HMBOX1: variants seen among roughly 807,000 people sequenced by gnomAD.
HMBOX1 encodes homeobox-containing protein 1.
Under a neutral mutation model 54.5 loss-of-function variants are expected in HMBOX1, and 14 were observed. That is an observed-to-expected ratio of 0.26 (90% CI 0.17 to 0.40). The LOEUF is 0.40. Ranked by LOEUF, HMBOX1 falls within the 10% of genes least tolerant of loss-of-function variation. The pLI, the probability that HMBOX1 is intolerant of heterozygous loss-of-function variation, is 1.00. For synonymous variants in HMBOX1, 160 were observed against 181.0 expected, an observed-to-expected ratio of 0.88 and a Z score of 0.93; for missense variants, 332 against 514.4, an observed-to-expected ratio of 0.65 and a Z score of 3.43.
At chr8:28,958,715 T>C (rs866320612) in intron 1 of HMBOX1, among the ~76,000 whole-genome samples, 3 of 152,236 alleles carry the variant, frequency 2.0e-5, no homozygotes, top group South Asian at 2.1e-4. Flanking sequence ...CTTAATTTTA[T>C]TTGAAATGCT....
intron 3 of HMBOX1, among the ~76,000 whole-genome samples, chr8:28,975,341 A>C (rs1447529312): frequency 1.3e-5 from 2 of 152,086 alleles, no homozygotes; most frequent in Non-Finnish European, 2.9e-5. Context: ...TTGCAAGAAG[A>C]GACCTTTTTT....
intron 2 of HMBOX1, among the ~76,000 whole-genome samples, chr8:28,968,605 G>T (rs138831442): frequency 4.6e-5 from 7 of 152,136 alleles, no homozygotes; most frequent in African/African-American, 1.4e-4. Context: ...TGTGAAATTC[G>T]TACCCAGTTC....
intron 1 of HMBOX1, among the ~76,000 whole-genome samples, chr8:28,894,196 C>G (rs1811593316): frequency 6.6e-6 from 1 of 152,172 alleles, no homozygotes; most frequent in South Asian, 2.1e-4. Flanking sequence ...TGTAGTAGAA[C>G]TGTAATTTAT....
rs556709939 is a variant in HMBOX1 at position 28,989,062 on chromosome 8, C to T, written c.586+8906C>T. The stretch of plus-strand genomic sequence containing the variant: ...CCGAGGCGGGCGAATCACAGGAGGT[C>T]GGCAGTTTGAGACCAGCCTGACCAA... On this transcript the variant is annotated intron_variant, in intron 4 of 9. Coordinates refer to ENST00000287701, the MANE Select transcript of HMBOX1 (RefSeq NM_001135726.3). Among the ~76,000 whole-genome samples, 5 of 152,062 alleles carry T rather than the reference C, an allele frequency of 3.3e-5. No homozygotes were observed. The South Asian group carries it at 1.0e-3, about 32-fold the overall frequency.
At chr8:28,963,783 T>G in intron 1 of HMBOX1, 28 bp from the exon 2 acceptor site, 1 of 1,100,404 alleles carries the variant, frequency 9.1e-7, no homozygotes. Context: ...ACATAAATGT[T>G]TCTCAATTTT....
chr8:28,907,601 T>A (rs182578812), intron 1 of HMBOX1, among the ~76,000 whole-genome samples: 1 of 152,332 alleles, frequency 6.6e-6, no homozygotes, highest in Admixed American at 6.5e-5. Flanking sequence ...CCTCTGCTCC[T>A]GATTATGTGT....
chr8:28,990,157 C>A (rs1475085184), intron 4 of HMBOX1, among the ~76,000 whole-genome samples: 1 of 152,102 alleles, frequency 6.6e-6, no homozygotes, highest in Non-Finnish European at 1.5e-5. Flanking sequence ...TCTTCCTTTT[C>A]AATGTGTCTT....
rs1302702170 is a variant in HMBOX1 at position 28,969,626 on chromosome 8, A to AT, written c.24-410dup. Among the ~76,000 whole-genome samples the AT allele has an allele frequency of 3.3e-5, 5 of 152,170 alleles. No individual in the cohort carries two copies. The South Asian group carries it at 8.3e-4, about 25-fold the overall frequency. ...TTTGGTAAATAATATAATACAAACTATTTTTTTCAGTAATTTTCCATTAAT... is the reference window on the plus strand; with the variant it reads ...TTTGGTAAATAATATAATACAAACTATTTTTTTTCAGTAATTTTCCATTAAT... On this transcript the variant is annotated intron_variant, in intron 2 of 9. Transcript: ENST00000287701.
intron 7 of HMBOX1, 89 bp downstream of exon 7, chr8:29,045,532 T>A: frequency 9.9e-7 from 1 of 1,005,634 alleles, no homozygotes; most frequent in Non-Finnish European, 1.6e-6. Context: ...TATGCGTGCC[T>A]TGGCATGGTG....
chr8:28,944,600 T>C (rs1209371211), intron 1 of HMBOX1, among the ~76,000 whole-genome samples: 1 of 152,194 alleles, frequency 6.6e-6, no homozygotes, highest in African/African-American at 2.4e-5. Flanking sequence ...CATCTTAACC[T>C]GGTGGGTCTC....
chr8:29,011,234 G>T (rs1437642060), intron 5 of HMBOX1, among the ~76,000 whole-genome samples: 1 of 152,156 alleles, frequency 6.6e-6, no homozygotes, highest in Non-Finnish European at 1.5e-5. Flanking sequence ...AAACACTGGA[G>T]AAAAATACTT....
At chr8:28,907,735 C>G (rs974189249) in intron 1 of HMBOX1, among the ~76,000 whole-genome samples, 1 of 152,108 alleles carries the variant, frequency 6.6e-6, no homozygotes, top group South Asian at 2.1e-4. Context: ...TCCTAGAGAT[C>G]TCTTGAGTAT....
intron 4 of HMBOX1, among the ~76,000 whole-genome samples, chr8:28,994,905 CA>C (rs1419044242): frequency 3.3e-5 from 5 of 152,080 alleles, no homozygotes; most frequent in South Asian, 2.1e-4. Flanking sequence ...TGCAAGAGAT[CA>C]GGGGGGATTT....
intron 1 of HMBOX1, among the ~76,000 whole-genome samples, chr8:28,950,472 T>C (rs1823217749): frequency 6.6e-6 from 1 of 152,144 alleles, no homozygotes; most frequent in South Asian, 2.1e-4. Flanking sequence ...CCCATGGGAG[T>C]AGAGCACTCT....
chr8:29,003,700 G>A (rs28363877), intron 4 of HMBOX1, among the ~76,000 whole-genome samples: 5,970 of 150,778 alleles, frequency 0.04, 261 homozygotes, highest in African/African-American at 0.11. Context: ...TTTTATCTGC[G>A]TGCATTTATG....
intron 6 of HMBOX1, among the ~76,000 whole-genome samples, chr8:29,033,705 C>G (rs1377595314): frequency 1.3e-5 from 2 of 152,152 alleles, no homozygotes; most frequent in African/African-American, 2.4e-5. Context: ...CCTTATTTCT[C>G]TAGTCCCCAA....
intron 1 of HMBOX1, among the ~76,000 whole-genome samples, chr8:28,907,654 A>G (rs1814591051): frequency 1.3e-5 from 2 of 152,300 alleles, no homozygotes; most frequent in African/African-American, 4.8e-5. Flanking sequence ...GTGGGATCCT[A>G]GATGGCTTCT....
intron 3 of HMBOX1, among the ~76,000 whole-genome samples, chr8:28,972,815 C>G (rs983057825): frequency 6.6e-6 from 1 of 152,130 alleles, no homozygotes; most frequent in African/African-American, 2.4e-5. Context: ...AATATATGCT[C>G]AAAATAAATG....
intron 5 of HMBOX1, among the ~76,000 whole-genome samples, chr8:29,018,012 T>C (rs879471938): frequency 6.6e-6 from 1 of 152,208 alleles, no homozygotes; most frequent in African/African-American, 2.4e-5. Flanking sequence ...AGAAGACCGA[T>C]ATGATCATAA....
Sources: allele counts gnomAD v4.1 joint callset (sites outside exome capture counted in the v4.1 genomes callset), GRCh38; gene constraint gnomAD v4.1.1; transcripts MANE v1.5; gene names NCBI Gene and HGNC (gene_info 2026-07-23, HGNC 2026-07-21).